The following CFAP20DC variants were observed in gnomAD, a reference collection of about 807,000 sequenced individuals.
CFAP20DC encodes the protein CFAP20 domain containing, also known as protein CFAP20DC.
In CFAP20DC, 84 loss-of-function variants were observed where a neutral mutation model predicts 101.7. The ratio of observed to expected loss-of-function variants is 0.83; its 90% confidence interval spans 0.69 to 0.99. The LOEUF is 0.99. Ranked by LOEUF, CFAP20DC falls within the 50% of genes least tolerant of loss-of-function variation. The probability of loss-of-function intolerance (pLI) is 0.00; values close to 1 mark genes in which losing one functional copy is unlikely to be tolerated. For synonymous variants in CFAP20DC, 359 were observed against 351.2 expected (o/e 1.02, Z -0.25); for missense variants, 1,007 against 970.3 (o/e 1.04, Z -0.50).
rs938327329 is a variant in CFAP20DC, at chr3:59,019,717, G to A, written c.278+19840C>T. 2.0e-5 allele frequency among the ~76,000 whole-genome samples: 3 copies of A among 152,174 alleles called. No homozygotes were observed. In the East Asian group the frequency reaches 5.8e-4, roughly 29 times the overall value. On this transcript the variant is annotated intron_variant, in intron 4 of 16. Coordinates refer to ENST00000482387, the MANE Select transcript of CFAP20DC (RefSeq NM_001394063.1). ...GACACTTTCAAAATGTACTGAGGATGTCATGTATTTGCTTTTGGTGTATAC... is the reference window on the plus strand; with the variant it reads ...GACACTTTCAAAATGTACTGAGGATATCATGTATTTGCTTTTGGTGTATAC...
Position 59,049,504 on chromosome 3 carries a change from G to C in CFAP20DC, c.21+107C>G, listed in dbSNP as rs1291670660. On this transcript the variant is annotated intron_variant, in intron 1 of 16. Coordinates refer to ENST00000482387, the MANE Select transcript of CFAP20DC (RefSeq NM_001394063.1). ...TTAATTCTGTCTTACCCCTGAAAAA[G>C]ACCTTATTATGGGGATAGAGGGTGC... The C allele has an allele frequency of 5.6e-6, 6 of 1,069,900 alleles. 1 individual carries two copies. The highest frequency in any genetic ancestry group is 5.4e-5 in the South Asian group (4 of 74,426). 66.3% of individuals were successfully genotyped at this position (1,069,900 alleles called of 1,614,324 possible).
At chr3:58,801,540 A>AT (rs765919400) in intron 15 of CFAP20DC, among the ~76,000 whole-genome samples, 3 of 152,084 alleles carry the variant, frequency 2.0e-5, no homozygotes, top group Non-Finnish European at 4.4e-5. Flanking sequence ...TAATTTATAC[A>AT]TTTTCTCTCT....
chr3:58,937,906 C>A (rs1486662371), intron 4 of CFAP20DC, 144 bp from the exon 5 acceptor site: 1 of 630,038 alleles, frequency 1.6e-6, no homozygotes, highest in Non-Finnish European at 2.8e-6. Flanking sequence ...TTGCCTTTTT[C>A]TTTCAAGAAG....
chr3:58,826,351 T>C (rs2076038716), intron 14 of CFAP20DC, among the ~76,000 whole-genome samples: 1 of 152,076 alleles, frequency 6.6e-6, no homozygotes, highest in Admixed American at 6.5e-5. Flanking sequence ...GGGCAGAATG[T>C]GTAGGTTTGT....
chr3:58,934,463 C>A (rs1329542978), intron 5 of CFAP20DC, among the ~76,000 whole-genome samples: 1 of 152,058 alleles, frequency 6.6e-6, no homozygotes, highest in African/African-American at 2.4e-5. Context: ...GGCAGAGACA[C>A]AACCAAAAAA....
chr3:58,819,415 A>G (rs1226642853), intron 14 of CFAP20DC, among the ~76,000 whole-genome samples: 3 of 151,954 alleles, frequency 2.0e-5, no homozygotes, highest in Middle Eastern at 3.2e-3. Flanking sequence ...AAAGAAAAAA[A>G]GAGAGAAGAA....
chr3:58,992,272 AG>A (rs2092964853), intron 4 of CFAP20DC, among the ~76,000 whole-genome samples: 1 of 152,218 alleles, frequency 6.6e-6, no homozygotes, highest in Admixed American at 6.5e-5. Flanking sequence ...GTACCTGACC[AG>A]GTTAAGCACA....
chr3:58,970,192 T>C (rs1311055126), intron 4 of CFAP20DC, among the ~76,000 whole-genome samples: 2 of 152,192 alleles, frequency 1.3e-5, no homozygotes, highest in African/African-American at 4.8e-5. Context: ...TTAGTCATTG[T>C]GGGTTGAACT....
chr3:58,816,786 C>A (rs912671766), intron 14 of CFAP20DC, among the ~76,000 whole-genome samples: 2 of 152,136 alleles, frequency 1.3e-5, no homozygotes, highest in African/African-American at 2.4e-5. Context: ...GTGGAGCCCA[C>A]CACAGCTCAA....
intron 7 of CFAP20DC, among the ~76,000 whole-genome samples, chr3:58,877,163 T>G (rs1285131570): frequency 6.6e-6 from 1 of 152,168 alleles, no homozygotes; most frequent in Non-Finnish European, 1.5e-5. Flanking sequence ...AGTAAGTCTG[T>G]TCACAGTCAT....
intron 13 of CFAP20DC, among the ~76,000 whole-genome samples, chr3:58,846,007 C>T (rs1300558270): frequency 3.6e-4 from 55 of 151,226 alleles, no homozygotes; most frequent in African/African-American, 6.6e-4. Context: ...ATTGATGGGA[C>T]GTATTTCAAA....
chr3:58,927,543 G>T (rs1294969047), intron 5 of CFAP20DC, among the ~76,000 whole-genome samples: 1 of 152,196 alleles, frequency 6.6e-6, no homozygotes, highest in East Asian at 1.9e-4. Context: ...TGTGAGATAA[G>T]GCAGGTTCAA....
intron 4 of CFAP20DC, among the ~76,000 whole-genome samples, chr3:58,994,357 G>A (rs1467142809): frequency 6.6e-6 from 1 of 152,110 alleles, no homozygotes; most frequent in Admixed American, 6.6e-5. Flanking sequence ...GAAGTATGAT[G>A]GCTGGATAAG....
chr3:58,862,185 G>C (rs1403795440), intron 12 of CFAP20DC: 1 of 975,146 alleles, frequency 1.0e-6, no homozygotes. Context: ...CACTATTAGA[G>C]TAATGCTTTT....
At position 58,971,450 on chromosome 3, in the gene CFAP20DC, C is replaced by T. The variant is rs1183529150; in HGVS notation, c.279-33688G>A. 1.3e-5 allele frequency among the ~76,000 whole-genome samples: 2 copies of T among 152,152 alleles called. No individual in the cohort carries two copies. Among genetic ancestry groups the T allele is most frequent in the African/African-American group, 2.4e-5 (1 of 41,448 alleles). On this transcript the variant is annotated intron_variant, in intron 4 of 16. Transcript: ENST00000482387. The surrounding 1 kb of genome is among the most constrained non-coding windows in gnomAD (Gnocchi z 4.1). ...CTCTTTAGATCTTTCTATCCTTCCTCACCTATGCTCTCCAGAATGTATCAC... is the reference window on the plus strand; with the variant it reads ...CTCTTTAGATCTTTCTATCCTTCCTTACCTATGCTCTCCAGAATGTATCAC...
chr3:58,870,887 T>A (rs1298377590), intron 7 of CFAP20DC, among the ~76,000 whole-genome samples: 2 of 79,026 alleles, frequency 2.5e-5, no homozygotes, highest in East Asian at 4.1e-4. Context: ...AGAGCGAGAC[T>A]CCGTCTCAAA....
In CFAP20DC at chr3:58,951,322, G is replaced by C. The variant is rs868301105; in HGVS notation, c.279-13560C>G. ...ACACTGTTGGTGGGACTGTAAACTA[G>C]TTCAACCATTGTGGAAGTCAGTATG... On this transcript the variant is annotated intron_variant, in intron 4 of 16. Coordinates refer to ENST00000482387, the MANE Select transcript of CFAP20DC (RefSeq NM_001394063.1). Among the ~76,000 whole-genome samples, 42 of 152,292 alleles carry C rather than the reference G, an allele frequency of 2.8e-4. No homozygotes were observed. The Middle Eastern group carries it at 0.01, about 37-fold the overall frequency.
intron 4 of CFAP20DC, among the ~76,000 whole-genome samples, chr3:58,956,143 A>G (rs570363062): frequency 1.3e-5 from 2 of 151,628 alleles, no homozygotes; most frequent in Non-Finnish European, 2.9e-5. Context: ...CTGCTTGAGA[A>G]AAATGAAAGG....
chr3:58,857,833 A>G lies in CFAP20DC; in HGVS notation c.1593+5725T>C, dbSNP rs753240234. On this transcript the variant is annotated intron_variant, in intron 12 of 16. Transcript: ENST00000482387. ...GGAGTGGGTGCACTGGCATAACCCTATTCCTCTCTTTGCATTGTTATGAGA... is the reference window on the plus strand; with the variant it reads ...GGAGTGGGTGCACTGGCATAACCCTGTTCCTCTCTTTGCATTGTTATGAGA... Among the ~76,000 whole-genome samples the G allele has an allele frequency of 4.6e-5, 7 of 152,180 alleles. No individual in the cohort carries two copies. In the South Asian group the frequency reaches 1.2e-3, roughly 27 times the overall value.
Sources: allele counts gnomAD v4.1 joint callset (sites outside exome capture counted in the v4.1 genomes callset), GRCh38; gene constraint gnomAD v4.1.1; non-coding constraint Gnocchi (gnomAD v3.1); transcripts MANE v1.5; gene names NCBI Gene and HGNC (gene_info 2026-07-23, HGNC 2026-07-21).